Variants in CENPA observed in about 807,000 individuals in gnomAD.
CENPA encodes histone H3-like centromeric protein A.
A neutral mutation model predicts 17.2 loss-of-function variants in CENPA; 7 were observed. That is an observed-to-expected ratio of 0.41 (90% CI 0.23 to 0.76). The LOEUF (loss-of-function observed/expected upper bound fraction) is 0.76, where lower values mean the gene tolerates loss of function less well. Among genes scored for constraint, CENPA ranks in the 30% least tolerant of loss-of-function variants. The probability of loss-of-function intolerance (pLI) is 0.34; values close to 1 mark genes in which losing one functional copy is unlikely to be tolerated. For synonymous variants in CENPA, 82 were observed against 77.4 expected (o/e 1.06, Z -0.31); for missense variants, 149 against 193.1 (o/e 0.77, Z 1.35).
rs371523362 is a variant in CENPA at position 26,787,534 on chromosome 2, G to GT, written c.100+1248dup. Among the ~76,000 whole-genome samples the GT allele has an allele frequency of 3.2e-3, 474 of 148,124 alleles. 1 individual carries two copies. Among genetic ancestry groups the GT allele is most frequent in the East Asian group, 0.013 (66 of 5,098 alleles). ...CCGGCCGGCTTTTTGGTTTTTTGTTGTTTTTTTTTTGAGACCCATCGCCCA... is the reference window on the plus strand; with the variant it reads ...CCGGCCGGCTTTTTGGTTTTTTGTTGTTTTTTTTTTTGAGACCCATCGCCCA... On this transcript the variant is annotated intron_variant, in intron 1 of 4. Transcript: ENST00000335756.
At chr2:26,786,838 G>A (rs1371563730) in intron 1 of CENPA, among the ~76,000 whole-genome samples, 2 of 152,132 alleles carry the variant, frequency 1.3e-5, no homozygotes, top group Non-Finnish European at 2.9e-5. Flanking sequence ...AGGCTGTTAG[G>A]CCTTGAACCG....
At chr2:26,792,642 GA>G in intron 2 of CENPA, 113 bp from the exon 3 acceptor site, 1 of 980,280 alleles carries the variant, frequency 1.0e-6, no homozygotes, top group Non-Finnish European at 1.6e-6. Context: ...TAAGAGCCAG[GA>G]AAAAATAATG....
intron 1 of CENPA, among the ~76,000 whole-genome samples, chr2:26,788,871 C>G (rs949250897): frequency 6.6e-6 from 1 of 152,144 alleles, no homozygotes; most frequent in Non-Finnish European, 1.5e-5. Context: ...GACGGGGTTT[C>G]ACCATGTTGG....
At chr2:26,786,507 G>A (rs1295568796) in intron 1 of CENPA, among the ~76,000 whole-genome samples, 1 of 152,268 alleles carries the variant, frequency 6.6e-6, no homozygotes, top group Non-Finnish European at 1.5e-5. Flanking sequence ...TTAGCCACTT[G>A]GCTCCTAACG....
At chr2:26,788,975 G>A (rs1361801952) in intron 1 of CENPA, among the ~76,000 whole-genome samples, 3 of 152,122 alleles carry the variant, frequency 2.0e-5, no homozygotes, top group Non-Finnish European at 2.9e-5. Flanking sequence ...GCGCCTGGCC[G>A]TATTTACGAT....
At position 26,792,180 on chromosome 2, in the gene CENPA, G is replaced by C. The variant is rs1468947606; in HGVS notation, c.150G>C (p.Glu50Asp). 6.2e-7 allele frequency: 1 copy of C among 1,614,038 alleles called. No homozygotes were observed. The highest frequency in any genetic ancestry group is 2.2e-5 in the East Asian group (1 of 44,884). ...GGCGGAGACAAGGTTGGCTAAAGGA[G>C]ATCCGAAAGCTTCAGAAGAGCACAC... The part of the protein sequence containing the change: ...HSRRRQGWLK[E>D]IRKLQKSTHL... The change falls in exon 2 of 5, where the codon GAG (glutamate) becomes GAC (aspartate). Residue 50 changes from glutamate to aspartate, a missense_variant. This residue lies in a region of CENPA where 95 missense variants were observed against 87.5 expected (regional missense o/e 1.09). Coordinates refer to ENST00000335756, the MANE Select transcript of CENPA (RefSeq NM_001809.4).
intron 1 of CENPA, among the ~76,000 whole-genome samples, chr2:26,790,332 A>G (rs755754317): frequency 6.6e-6 from 1 of 151,480 alleles, no homozygotes; most frequent in Non-Finnish European, 1.5e-5. Flanking sequence ...ATTTATTTAT[A>G]TATTTTTGTT....
chr2:26,786,066 C>G lies in CENPA; in HGVS notation c.-131C>G. 8.0e-7 allele frequency: 1 copy of G among 1,244,132 alleles called. No homozygotes were observed. The highest frequency in any genetic ancestry group is 1.0e-6 in the Non-Finnish European group (1 of 984,188). 77.1% of individuals were successfully genotyped at this position (1,244,132 alleles called of 1,614,324 possible). Reference sequence around the variant, plus strand: ...GAACGCGAGCGGCGCGGACTTCTGCCAAGCACCGGCTCATGTGAGGCTCGC... The same window carrying G: ...GAACGCGAGCGGCGCGGACTTCTGCGAAGCACCGGCTCATGTGAGGCTCGC... On this transcript the variant is annotated 5_prime_UTR_variant, in exon 1 of 5. Coordinates refer to ENST00000335756, the MANE Select transcript of CENPA (RefSeq NM_001809.4).
intron 4 of CENPA, 71 bp from the exon 5 acceptor site, chr2:26,793,741 T>G (rs953176636): frequency 6.6e-6 from 1 of 152,602 alleles, no homozygotes; most frequent in Non-Finnish European, 1.5e-5. Context: ...AAACTTTCTC[T>G]TTTTTGATTA....
chr2:26,787,094 C>T (rs796755256), intron 1 of CENPA, among the ~76,000 whole-genome samples: 5 of 152,372 alleles, frequency 3.3e-5, no homozygotes, highest in African/African-American at 1.2e-4. Context: ...TTTGTAGAGA[C>T]TGGGTCTCCC....
At chr2:26,790,263 G>T (rs1374900867) in intron 1 of CENPA, among the ~76,000 whole-genome samples, 1 of 151,870 alleles carries the variant, frequency 6.6e-6, no homozygotes, top group Non-Finnish European at 1.5e-5. Flanking sequence ...ATCTTTAGTT[G>T]TGTTCATCTT....
rs113442357 is a variant in CENPA, at chr2:26,792,210, C to G, written c.180C>G (p.Leu60=). Residue 60 remains leucine, a synonymous_variant, in exon 2 of 5, where the codon CTC becomes CTG. Transcript: ENST00000335756. ...EIRKLQKSTH[L]LIRKLPFSRL... ...GAAAGCTTCAGAAGAGCACACACCT[C>G]TTGATAAGGAAGCTGCCCTTCAGCC... 5.0e-6 allele frequency: 8 copies of G among 1,613,738 alleles called. No individual in the cohort carries two copies. Among genetic ancestry groups the G allele is most frequent in the African/African-American group, 1.3e-5 (1 of 74,928 alleles).
At chr2:26,787,494 C>T (rs1438500756) in intron 1 of CENPA, among the ~76,000 whole-genome samples, 14 of 151,956 alleles carry the variant, frequency 9.2e-5, no homozygotes, top group Non-Finnish European at 5.9e-5. Flanking sequence ...GGATTACAGG[C>T]GTGAGCCACC....
chr2:26,788,754 C>T (rs554358856), intron 1 of CENPA, among the ~76,000 whole-genome samples: 1 of 152,252 alleles, frequency 6.6e-6, no homozygotes, highest in South Asian at 2.1e-4. Flanking sequence ...CGGCTTACCG[C>T]AACCTCTACC....
intron 4 of CENPA, 82 bp downstream of exon 4, chr2:26,793,408 C>T (rs1664656396): frequency 5.6e-6 from 7 of 1,251,888 alleles, no homozygotes; most frequent in South Asian, 2.9e-5. Flanking sequence ...CTTGTCACCT[C>T]GCCTTCCCTT....
intron 1 of CENPA, among the ~76,000 whole-genome samples, chr2:26,788,064 A>G (rs959117140): frequency 3.3e-5 from 5 of 152,202 alleles, no homozygotes; most frequent in African/African-American, 1.2e-4. Context: ...TCCAAGGTAG[A>G]AGCATCCTTC....
At chr2:26,791,238 A>G (rs370417755) in intron 1 of CENPA, among the ~76,000 whole-genome samples, 2 of 152,120 alleles carry the variant, frequency 1.3e-5, no homozygotes, top group East Asian at 3.9e-4. Flanking sequence ...AAGGCTATGC[A>G]TTTTCCTCTA....
In CENPA at chr2:26,786,215, A is replaced by G; in HGVS notation, c.19A>G (p.Ser7Gly). 1 of 1,439,432 alleles carries G rather than the reference A, an allele frequency of 6.9e-7. No homozygotes were observed. Among genetic ancestry groups the G allele is most frequent in the Non-Finnish European group, 9.1e-7 (1 of 1,102,412 alleles). 89.2% of individuals were successfully genotyped at this position (1,439,432 alleles called of 1,614,324 possible). ...GCGTGTCATGGGCCCGCGCCGCCGG[A>G]GCCGAAAGCCCGAGGCCCCGAGGAG... The part of the protein sequence containing the change: MGPRRR[S>G]RKPEAPRRRS... The change falls in exon 1 of 5, where the codon AGC (serine) becomes GGC (glycine). Residue 7 changes from serine (S) to glycine (G), a missense_variant. By Grantham distance (56) the Ser-to-Gly change is moderately conservative. This residue lies in a region of CENPA where 95 missense variants were observed against 87.5 expected (regional missense o/e 1.09). Coordinates refer to ENST00000335756, the MANE Select transcript of CENPA (RefSeq NM_001809.4).
At chr2:26,788,745 G>A (rs1013278362) in intron 1 of CENPA, among the ~76,000 whole-genome samples, 3 of 152,132 alleles carry the variant, frequency 2.0e-5, no homozygotes, top group Non-Finnish European at 2.9e-5. Flanking sequence ...GCGTGATCTC[G>A]GCTTACCGCA....
Sources: gnomAD v4.1 joint callset for allele counts (sites outside exome capture counted in the v4.1 genomes callset) on GRCh38, gnomAD v4.1.1 for gene constraint, gnomAD v4.1.1 regional missense constraint, MANE v1.5 for transcripts, NCBI Gene and HGNC (gene_info 2026-07-23, HGNC 2026-07-21) for gene names.